PPP2R1A: variants seen among roughly 807,000 people sequenced by gnomAD.
The protein encoded by PPP2R1A is protein phosphatase 2 scaffold subunit Aalpha.
Under a neutral mutation model 67.1 loss-of-function variants are expected in PPP2R1A, and 15 were observed. The observed-to-expected ratio is 0.22, with a 90% CI of 0.15 to 0.34. The LOEUF (loss-of-function observed/expected upper bound fraction) is 0.34. PPP2R1A is among the 10% of genes least tolerant of loss of function. PPP2R1A has a pLI of 1.00. For missense variants in PPP2R1A, 369 were observed against 775.0 expected (o/e 0.48, Z 6.22); for synonymous variants, 337 against 325.0 (o/e 1.04, Z -0.40).
At position 52,213,174 on chromosome 19, in the gene PPP2R1A, A is replaced by G. The variant is rs1186351907; in HGVS notation, c.807+64A>G. 3.4e-6 allele frequency: 5 copies of G among 1,487,132 alleles called. No individual in the cohort carries two copies. The highest frequency in any genetic ancestry group is 4.4e-6 in the Non-Finnish European group (5 of 1,125,792). The allele number at this position is 1,487,132 out of a possible 1,614,324, so 92.1% of individuals were successfully genotyped here. ...ACACTGACACTCTCAGAAGGGAAGC[A>G]TATAGGAGCTGAGGTTTCCATTAGG... On this transcript the variant is annotated intron_variant, in intron 6 of 14. Transcript: ENST00000322088. This position sits in a 1 kb window ranked among gnomAD's most constrained non-coding sequence, Gnocchi z 4.2.
At chr19:52,209,182 A>C (rs1026831547) in intron 3 of PPP2R1A, among the ~76,000 whole-genome samples, 4 of 152,160 alleles carry the variant, frequency 2.6e-5, no homozygotes, top group African/African-American at 9.7e-5. Flanking sequence ...ATTACTGCTC[A>C]GCCTCTGTCC....
rs1979241332 is a variant in PPP2R1A at position 52,226,069 on chromosome 19, G to A, written c.*88G>A. 1 of 1,591,678 alleles carries A rather than the reference G, an allele frequency of 6.3e-7. No homozygotes were observed. The highest frequency in any genetic ancestry group is 1.1e-5 in the South Asian group (1 of 90,460). ...TTGGGGAGACACTGGGGGGCCTTTGGCTGTCACTCCCTGTGCATGGTCTGA... is the reference window on the plus strand; with the variant it reads ...TTGGGGAGACACTGGGGGGCCTTTGACTGTCACTCCCTGTGCATGGTCTGA... On this transcript the variant is annotated 3_prime_UTR_variant, in exon 15 of 15. Transcript: ENST00000322088.
rs1209765678 is a variant in PPP2R1A, at chr19:52,226,230, C to T, written c.*249C>T. ...CTTGGGAGGAAGGGGCTACTCCGCC[C>T]ACGTCAGGGAGAGATGTGAGCATCC... On this transcript the variant is annotated 3_prime_UTR_variant, in exon 15 of 15. Coordinates refer to ENST00000322088, the MANE Select transcript of PPP2R1A (RefSeq NM_014225.6). The T allele has an allele frequency of 5.2e-6, 3 of 580,820 alleles. No homozygotes were observed. The highest frequency in any genetic ancestry group is 9.1e-6 in the Non-Finnish European group (3 of 330,040). The allele number at this position is 580,820 out of a possible 1,614,324, so 36.0% of individuals were successfully genotyped here. A position where few individuals can be genotyped will look rare whatever the true frequency, so the allele number is the denominator to read the frequency against.
rs566553889 is a variant in PPP2R1A, at chr19:52,223,736, C to T, written c.1661+1495C>T. Among the ~76,000 whole-genome samples, 3 of 152,256 alleles carry T rather than the reference C, an allele frequency of 2.0e-5. 1 individual carries two copies. The South Asian group carries it at 6.2e-4, about 32-fold the overall frequency. ...TGCAAATGGTGAAGACATAGAAGAG[C>T]TGGAACTCTCATCCATTGCACGTGG... On this transcript the variant is annotated intron_variant, in intron 13 of 14. Transcript: ENST00000322088.
chr19:52,207,049 G>A (rs1159787670), intron 3 of PPP2R1A, among the ~76,000 whole-genome samples: 2 of 152,144 alleles, frequency 1.3e-5, no homozygotes, highest in Non-Finnish European at 2.9e-5. Context: ...TTCCCAAATA[G>A]CATTATGTAA....
At chr19:52,209,357 C>T (rs2089640682) in intron 3 of PPP2R1A, among the ~76,000 whole-genome samples, 1 of 152,166 alleles carries the variant, frequency 6.6e-6, no homozygotes, top group Non-Finnish European at 1.5e-5. Context: ...GGTCACACTC[C>T]CATGATACTG....
intron 1 of PPP2R1A, among the ~76,000 whole-genome samples, chr19:52,199,261 G>T (rs1309112681): frequency 3.3e-5 from 5 of 152,096 alleles, no homozygotes; most frequent in African/African-American, 1.2e-4. Context: ...CCACCTCCCA[G>T]GTTCACGCCA....
chr19:52,205,444 G>C (rs1295238342), intron 2 of PPP2R1A, among the ~76,000 whole-genome samples: 2 of 151,952 alleles, frequency 1.3e-5, no homozygotes, highest in East Asian at 3.9e-4. Context: ...AAGGTGGCAT[G>C]GAAGGAGAGA....
At chr19:52,194,977 T>C (rs2089485047) in intron 1 of PPP2R1A, among the ~76,000 whole-genome samples, 1 of 152,130 alleles carries the variant, frequency 6.6e-6, no homozygotes, top group Admixed American at 6.6e-5. Context: ...GAAGCAGTTG[T>C]GACAAGCCAG....
At chr19:52,218,626 A>G (rs1474051054) in intron 9 of PPP2R1A, among the ~76,000 whole-genome samples, 1 of 152,124 alleles carries the variant, frequency 6.6e-6, no homozygotes, top group Non-Finnish European at 1.5e-5. Context: ...AATACAATTT[A>G]TATTTGTTTT....
intron 1 of PPP2R1A, chr19:52,200,266 T>C (rs544900131): frequency 6.6e-6 from 1 of 152,106 alleles, no homozygotes; most frequent in East Asian, 1.9e-4. Context: ...ATTCCATTCT[T>C]GTGACAGTGC....
At chr19:52,196,014 C>T (rs969282335) in intron 1 of PPP2R1A, among the ~76,000 whole-genome samples, 1 of 152,134 alleles carries the variant, frequency 6.6e-6, no homozygotes. Context: ...TTCCAGTGAC[C>T]ATGGACCCCA....
At position 52,213,162 on chromosome 19, in the gene PPP2R1A, C is replaced by G. The variant is rs990354892; in HGVS notation, c.807+52C>G. On this transcript the variant is annotated intron_variant, in intron 6 of 14. Coordinates refer to ENST00000322088, the MANE Select transcript of PPP2R1A (RefSeq NM_014225.6). This position sits in a 1 kb window ranked among gnomAD's most constrained non-coding sequence, Gnocchi z 4.2. ...CCACTGGTGGGGACACTGACACTCT[C>G]AGAAGGGAAGCATATAGGAGCTGAG... 6.7e-7 allele frequency: 1 copy of G among 1,500,592 alleles called. No individual in the cohort carries two copies. Among genetic ancestry groups the G allele is most frequent in the Non-Finnish European group, 8.8e-7 (1 of 1,132,400 alleles). 93.0% of individuals were successfully genotyped at this position (1,500,592 alleles called of 1,614,324 possible). A position where few individuals can be genotyped will look rare whatever the true frequency, so the allele number is the denominator to read the frequency against.
intron 1 of PPP2R1A, among the ~76,000 whole-genome samples, chr19:52,192,418 C>A (rs902145756): frequency 1.3e-5 from 2 of 151,990 alleles, no homozygotes; most frequent in Admixed American, 1.3e-4. Context: ...AGCAATTCTC[C>A]TGCCTCAGCC....
At chr19:52,205,652 C>T (rs1427533376) in intron 2 of PPP2R1A, among the ~76,000 whole-genome samples, 3 of 152,316 alleles carry the variant, frequency 2.0e-5, no homozygotes, top group Admixed American at 6.5e-5. Flanking sequence ...TCACTGTAAC[C>T]GTTGCTACGA....
At position 52,213,681 on chromosome 19, in the gene PPP2R1A, C is replaced by T. The variant is rs568182476; in HGVS notation, c.807+571C>T. Among the ~76,000 whole-genome samples, 227 of 151,840 alleles carry T rather than the reference C, an allele frequency of 1.5e-3. No individual in the cohort carries two copies. Among genetic ancestry groups the T allele is most frequent in the Non-Finnish European group, 2.9e-3 (196 of 67,926 alleles). ...TATTTTTATTAGAGACGGGGTTTCACCATGTTGTTAGCCAGGCTAGTCTCG... is the reference window on the plus strand; with the variant it reads ...TATTTTTATTAGAGACGGGGTTTCATCATGTTGTTAGCCAGGCTAGTCTCG... On this transcript the variant is annotated intron_variant, in intron 6 of 14. Transcript: ENST00000322088. This position sits in a 1 kb window ranked among gnomAD's most constrained non-coding sequence, Gnocchi z 4.2.
In PPP2R1A at chr19:52,202,048, C is replaced by T; in HGVS notation, c.169+14C>T. The T allele has an allele frequency of 1.2e-6, 2 of 1,608,714 alleles. No individual in the cohort carries two copies. Among genetic ancestry groups the T allele is most frequent in the Non-Finnish European group, 1.7e-6 (2 of 1,175,196 alleles). Reference sequence around the variant, plus strand: ...CTTTCCTTACAGGTAACAAAGGGGACCCCTGGGGCCCAGATGTGGGGACTC... The same window carrying T: ...CTTTCCTTACAGGTAACAAAGGGGATCCCTGGGGCCCAGATGTGGGGACTC... On this transcript the variant is annotated intron_variant, in intron 2 of 14. Transcript: ENST00000322088.
rs2089680654 is a variant in PPP2R1A, at chr19:52,212,588, A to G, written c.504-98A>G. ...AGGGGGTCATCACTTGCCCAAGGTCATTCAGCTAAAACCTGGACCCACACA... is the reference window on the plus strand; with the variant it reads ...AGGGGGTCATCACTTGCCCAAGGTCGTTCAGCTAAAACCTGGACCCACACA... On this transcript the variant is annotated intron_variant, in intron 4 of 14. Transcript: ENST00000322088. This position sits in a 1 kb window ranked among gnomAD's most constrained non-coding sequence, Gnocchi z 4.1. The G allele has an allele frequency of 2.8e-6, 4 of 1,437,216 alleles. No individual in the cohort carries two copies. Among genetic ancestry groups the G allele is most frequent in the Non-Finnish European group, 3.8e-6 (4 of 1,063,842 alleles). 89.0% of individuals were successfully genotyped at this position (1,437,216 alleles called of 1,614,324 possible). A position where few individuals can be genotyped will look rare whatever the true frequency, so the allele number is the denominator to read the frequency against.
intron 6 of PPP2R1A, among the ~76,000 whole-genome samples, chr19:52,214,011 GA>G (rs2122343388): frequency 6.6e-6 from 1 of 152,274 alleles, no homozygotes; most frequent in African/African-American, 2.4e-5. Flanking sequence ...TGACTTAGGG[GA>G]AATTTGATTA....
Sources: allele counts gnomAD v4.1 joint callset (sites outside exome capture counted in the v4.1 genomes callset), GRCh38; gene constraint gnomAD v4.1.1; non-coding constraint Gnocchi (gnomAD v3.1); transcripts MANE v1.5; gene names NCBI Gene and HGNC (gene_info 2026-07-23, HGNC 2026-07-21).